Variants in IL23R observed in about 807,000 individuals in gnomAD.
The protein encoded by IL23R is interleukin 23 receptor.
In IL23R, 34 loss-of-function variants were observed where a neutral mutation model predicts 56.9. The ratio of observed to expected loss-of-function variants is 0.60; its 90% CI spans 0.45 to 0.80. IL23R has a LOEUF of 0.80. Ranked by LOEUF, IL23R falls within the 30% of genes least tolerant of loss-of-function variation. The pLI, the probability that IL23R is intolerant of heterozygous loss-of-function variation, is 0.00. For missense variants in IL23R, 635 were observed against 730.0 expected (o/e 0.87, Z 1.50); for synonymous variants, 230 against 249.2 (o/e 0.92, Z 0.73).
intron 5 of IL23R, among the ~76,000 whole-genome samples, chr1:67,203,158 T>C (rs988330796): frequency 1.3e-5 from 2 of 152,214 alleles, no homozygotes; most frequent in Non-Finnish European, 2.9e-5. Flanking sequence ...TTAATATCAT[T>C]GCATCAATTT....
At chr1:67,214,026 C>T (rs998254986) in intron 6 of IL23R, among the ~76,000 whole-genome samples, 9 of 152,142 alleles carry the variant, frequency 5.9e-5, no homozygotes, top group Non-Finnish European at 1.2e-4. Flanking sequence ...AAATAAATCT[C>T]AGCTGGGAGG....
chr1:67,208,182 A>G (rs1381340457), intron 6 of IL23R, among the ~76,000 whole-genome samples: 1 of 152,230 alleles, frequency 6.6e-6, no homozygotes, highest in East Asian at 1.9e-4. Context: ...TTTGGGTACT[A>G]TTAAAGGCAT....
chr1:67,208,574 G>T (rs1649240489), intron 6 of IL23R, among the ~76,000 whole-genome samples: 1 of 152,218 alleles, frequency 6.6e-6, no homozygotes, highest in African/African-American at 2.4e-5. Flanking sequence ...CCCAAGCTTT[G>T]ACAGCTTCCA....
In IL23R at chr1:67,142,336, A is replaced by G. The variant is rs1646645771; in HGVS notation, c.-634+3175A>G. Among the ~76,000 whole-genome samples the G allele has an allele frequency of 2.0e-5, 3 of 152,160 alleles. No homozygotes were observed. The South Asian group carries it at 6.2e-4, about 31-fold the overall frequency. On this transcript the variant is annotated intron_variant, in intron 1 of 10. Coordinates refer to the IL23R transcript ENST00000637002. ...AAAACAATAATTTGGTGAGTTTAAA[A>G]GTAAAAGATAAACCAATGAAAAATG...
Position 67,200,915 on chromosome 1 carries a change from C to A in IL23R, c.652+18C>A. ...TGATATAGGTAAAGAATAAGAAATTCTGTAAGTCTTTAATAATAACCAGTT... is the reference window on the plus strand; with the variant it reads ...TGATATAGGTAAAGAATAAGAAATTATGTAAGTCTTTAATAATAACCAGTT... On this transcript the variant is annotated intron_variant, in intron 5 of 10. Transcript: ENST00000347310. 1 of 1,612,078 alleles carries A rather than the reference C, an allele frequency of 6.2e-7. No homozygotes were observed.
In IL23R at chr1:67,147,705, A is replaced by T. The variant is rs141303656; in HGVS notation, c.-634+8544A>T. On this transcript the variant is annotated intron_variant, in intron 1 of 10. Coordinates refer to the IL23R transcript ENST00000637002. Reference sequence around the variant, plus strand: ...GGCGACAGAGCAGACTCTGTCAAAAAAAAAATAAAAAGATTGTAGGGGCTA... The same window carrying T: ...GGCGACAGAGCAGACTCTGTCAAAATAAAAATAAAAAGATTGTAGGGGCTA... Among the ~76,000 whole-genome samples the T allele has an allele frequency of 6.1e-3, 930 of 152,258 alleles. 9 individuals are homozygous for T. Among genetic ancestry groups the T allele is most frequent in the African/African-American group, 0.021 (865 of 41,554 alleles).
rs11369105 is a variant in IL23R, at chr1:67,218,929, G to GAA, written c.799-638_799-637dup. 2.2e-3 allele frequency among the ~76,000 whole-genome samples: 323 copies of GAA among 147,862 alleles called. 6 individuals carry two copies. In the East Asian group the frequency reaches 0.056, roughly 25 times the overall value. On this transcript the variant is annotated intron_variant, in intron 6 of 10. Coordinates refer to ENST00000347310, the MANE Select transcript of IL23R (RefSeq NM_144701.3). Reference sequence around the variant, plus strand: ...GGGCAACAGAGTGGGACCCTATCTAGAAAAAAAATAAAATAAAAAATATAT... The same window carrying GAA: ...GGGCAACAGAGTGGGACCCTATCTAGAAAAAAAAAATAAAATAAAAAATATAT...
At chr1:67,149,217 T>C (rs1349050337) in intron 1 of IL23R, among the ~76,000 whole-genome samples, 1 of 152,102 alleles carries the variant, frequency 6.6e-6, no homozygotes, top group Non-Finnish European at 1.5e-5. Context: ...TCTCAGCATT[T>C]TGTACTTGGA....
At chr1:67,210,560 T>C (rs1649392667) in intron 6 of IL23R, among the ~76,000 whole-genome samples, 1 of 152,098 alleles carries the variant, frequency 6.6e-6, no homozygotes, top group South Asian at 2.1e-4. Context: ...CCTCTTGGGC[T>C]CAAGTGATCC....
At chr1:67,186,939 T>C (rs1377218507) in intron 4 of IL23R, among the ~76,000 whole-genome samples, 1 of 152,216 alleles carries the variant, frequency 6.6e-6, no homozygotes, top group African/African-American at 2.4e-5. Flanking sequence ...CTTTTTTTAA[T>C]AATGTTCCAT....
chr1:67,180,637 T>C (rs572044743), intron 3 of IL23R, among the ~76,000 whole-genome samples: 5 of 152,212 alleles, frequency 3.3e-5, no homozygotes, highest in Non-Finnish European at 5.9e-5. Context: ...TTAATATTGT[T>C]ATGTGTGAAT....
chr1:67,205,932 T>TTC (rs1491069083), intron 5 of IL23R, among the ~76,000 whole-genome samples: 23 of 150,276 alleles, frequency 1.5e-4, no homozygotes, highest in African/African-American at 5.1e-4. Context: ...TCTTTTTCTT[T>TTC]CTTTCTTTCT....
chr1:67,161,625 T>A (rs1488548345), upstream of IL23R, among the ~76,000 whole-genome samples: 1 of 140,770 alleles, frequency 7.1e-6, no homozygotes, highest in African/African-American at 2.6e-5. Context: ...ATATATATAT[T>A]TGTTTTTGTT....
At chr1:67,229,955 A>C (rs537053597) in intron 7 of IL23R, among the ~76,000 whole-genome samples, 1 of 152,348 alleles carries the variant, frequency 6.6e-6, no homozygotes, top group African/African-American at 2.4e-5. Context: ...GAATTATTAG[A>C]AAGGTAGCTG....
At chr1:67,230,462 A>G (rs1489425402) in intron 7 of IL23R, among the ~76,000 whole-genome samples, 1 of 152,182 alleles carries the variant, frequency 6.6e-6, no homozygotes, top group East Asian at 1.9e-4. Flanking sequence ...GTTTTGCTAC[A>G]CTTTGACATC....
chr1:67,163,467 TCAA>T (rs1646841573), upstream of IL23R, among the ~76,000 whole-genome samples: 1 of 21,664 alleles, frequency 4.6e-5, no homozygotes. Flanking sequence ...AGACCCTGTC[TCAA>T]AAAAAAAAAA....
chr1:67,199,921 T>C (rs1648483179), intron 4 of IL23R, among the ~76,000 whole-genome samples: 1 of 152,256 alleles, frequency 6.6e-6, no homozygotes, highest in Admixed American at 6.5e-5. Context: ...ATGCCTGTAA[T>C]CCTAGCACTT....
At chr1:67,150,413 C>T (rs1646717724) in intron 1 of IL23R, among the ~76,000 whole-genome samples, 1 of 151,768 alleles carries the variant, frequency 6.6e-6, no homozygotes, top group African/African-American at 2.4e-5. Context: ...TAATGCTCTC[C>T]CTCCCCTTGC....
At chr1:67,220,858 C>T (rs750498894) in intron 7 of IL23R, among the ~76,000 whole-genome samples, 135 of 152,318 alleles carry the variant, frequency 8.9e-4, no homozygotes, top group Non-Finnish European at 5.7e-4. Flanking sequence ...CCTGCCTCAG[C>T]CTCCCAAGTG....
Sources: gnomAD v4.1 joint callset for allele counts (sites outside exome capture counted in the v4.1 genomes callset) on GRCh38, gnomAD v4.1.1 for gene constraint, MANE v1.5 for transcripts, NCBI Gene and HGNC (gene_info 2026-07-23, HGNC 2026-07-21) for gene names.